The following SLC28A3 variants were observed in gnomAD, a reference collection of about 807,000 sequenced individuals.
SLC28A3 encodes the protein solute carrier family 28 member 3.
SLC28A3 carries 68 observed loss-of-function variants against 84.2 expected under a neutral mutation model. That is an observed-to-expected ratio of 0.81 (90% CI 0.66 to 0.99). SLC28A3 has a LOEUF of 0.99. Among genes scored for constraint, SLC28A3 ranks in the 50% least tolerant of loss-of-function variants. The pLI is 0.00. For synonymous variants in SLC28A3, 267 were observed against 303.6 expected, an observed-to-expected ratio of 0.88 and a Z score of 1.25; for missense variants, 712 against 841.5, an observed-to-expected ratio of 0.85 and a Z score of 1.90.
chr9:84,294,966 G>A (rs185360135), intron 8 of SLC28A3, among the ~76,000 whole-genome samples: 5 of 152,244 alleles, frequency 3.3e-5, no homozygotes, highest in Admixed American at 3.3e-4. Context: ...GTTGCTGGGG[G>A]AGGTTACTAA....
chr9:84,352,918 T>G, the SLC28A3 span, among the ~76,000 whole-genome samples: 1 of 144,322 alleles, frequency 6.9e-6, no homozygotes, highest in African/African-American at 2.7e-5. Context: ...AAAAAAAACC[T>G]TATTAAGATG....
In SLC28A3 at chr9:84,309,711, C is replaced by T. The variant is rs758597815; in HGVS notation, c.160G>A (p.Glu54Lys). The change falls in exon 3 of 18, where the codon GAA (glutamate) becomes AAA (lysine). Residue 54 changes from glutamate to lysine, a missense_variant. Transcript: ENST00000376238. ...SREHTNTKQD[E>K]EQVTVEQDSP... ...TCCTGCTCAACTGTGACCTGTTCTT[C>T]ATCCTGGAAATCAAACATTGGAGCA... 3.6e-5 allele frequency: 58 copies of T among 1,613,492 alleles called. No individual in the cohort carries two copies. In the South Asian group the frequency reaches 6.3e-4, roughly 17 times the overall value.
the SLC28A3 span, among the ~76,000 whole-genome samples, chr9:84,363,674 AC>A: frequency 6.6e-6 from 1 of 152,146 alleles, no homozygotes; most frequent in Non-Finnish European, 1.5e-5. Context: ...GCTGTGCCCC[AC>A]CCCAGACATT....
At chr9:84,306,348 G>C (rs1006196751) in intron 3 of SLC28A3, among the ~76,000 whole-genome samples, 1 of 152,110 alleles carries the variant, frequency 6.6e-6, no homozygotes, top group Non-Finnish European at 1.5e-5. Flanking sequence ...CCACTACCCC[G>C]CCTTCCAACA....
At chr9:84,348,353 C>T in the SLC28A3 span, among the ~76,000 whole-genome samples, 1 of 105,488 alleles carries the variant, frequency 9.5e-6, no homozygotes, top group South Asian at 3.2e-4. Flanking sequence ...GACTCCGTCT[C>T]AAAAAAAAAA....
At chr9:84,320,847 G>A (rs1249005373) in intron 1 of SLC28A3, among the ~76,000 whole-genome samples, 1 of 151,738 alleles carries the variant, frequency 6.6e-6, no homozygotes, top group African/African-American at 2.4e-5. Context: ...AAAATTAGCC[G>A]AGGGTGGTGG....
chr9:84,279,814 C>T (rs1039540708), intron 16 of SLC28A3, among the ~76,000 whole-genome samples, 161 bp downstream of exon 16: 7 of 152,266 alleles, frequency 4.6e-5, no homozygotes, highest in African/African-American at 1.7e-4. Context: ...AGCTCCTCCA[C>T]CACACTGCAC....
chr9:84,367,866 G>A, the SLC28A3 span, among the ~76,000 whole-genome samples: 4 of 152,310 alleles, frequency 2.6e-5, no homozygotes, highest in Admixed American at 6.5e-5. Context: ...TCCAGCCATA[G>A]GGCGGTTTTC....
At chr9:84,324,243 T>C (rs1020517384) in intron 1 of SLC28A3, among the ~76,000 whole-genome samples, 2 of 152,222 alleles carry the variant, frequency 1.3e-5, no homozygotes, top group Non-Finnish European at 2.9e-5. Flanking sequence ...CCTCCCTGGC[T>C]GCACAAATTA....
rs546010282 is a variant in SLC28A3, at chr9:84,319,759, C to T, written c.61-6305G>A. Reference sequence around the variant, plus strand: ...GAGAAAGACACTGCCATAAGAACTTCCTATGCATTTGGGAAGGAGACCAGA... The same window carrying T: ...GAGAAAGACACTGCCATAAGAACTTTCTATGCATTTGGGAAGGAGACCAGA... On this transcript the variant is annotated intron_variant, in intron 1 of 17. Transcript: ENST00000376238. 4.9e-4 allele frequency among the ~76,000 whole-genome samples: 74 copies of T among 152,172 alleles called. No individual in the cohort carries two copies. The Middle Eastern group carries it at 0.01, about 21-fold the overall frequency.
chr9:84,325,821 TC>T (rs1826527540), intron 1 of SLC28A3, among the ~76,000 whole-genome samples: 1 of 152,222 alleles, frequency 6.6e-6, no homozygotes, highest in Non-Finnish European at 1.5e-5. Flanking sequence ...GCCAGGTGAC[TC>T]ACAGCATTTT....
At chr9:84,350,401 A>G in the SLC28A3 span, among the ~76,000 whole-genome samples, 1 of 152,170 alleles carries the variant, frequency 6.6e-6, no homozygotes, top group Admixed American at 6.6e-5. Flanking sequence ...AGATTGCGTC[A>G]TTGCACTCCA....
Position 84,340,629 on chromosome 9 carries a change from T to C in SLC28A3, c.5A>G (p.Glu2Gly), listed in dbSNP as rs1362282093. 2 of 1,614,158 alleles carry C rather than the reference T, an allele frequency of 1.2e-6. No homozygotes were observed. Among genetic ancestry groups the C allele is most frequent in the South Asian group, 2.2e-5 (2 of 91,082 alleles). ...TCTGGGGGCTGCTGTACTCCTCAGCTCCATGCTCTTTTTGCTGCTGGCTGG... is the reference window on the plus strand; with the variant it reads ...TCTGGGGGCTGCTGTACTCCTCAGCCCCATGCTCTTTTTGCTGCTGGCTGG... MELRSTAAPRAE... is the reference protein window; with the variant it reads MGLRSTAAPRAE... The change falls in exon 1 of 18, where the codon GAG becomes GGG. Residue 2 changes from glutamate to glycine, a missense_variant. Coordinates refer to ENST00000376238, the MANE Select transcript of SLC28A3 (RefSeq NM_001199633.2).
chr9:84,364,231 TCTC>T, the SLC28A3 span, among the ~76,000 whole-genome samples: 1 of 151,332 alleles, frequency 6.6e-6, no homozygotes, highest in Non-Finnish European at 1.5e-5. Context: ...TTCAAGCAAT[TCTC>T]CTGCCTCAGC....
At chr9:84,309,577 T>G in intron 3 of SLC28A3, 52 bp downstream of exon 3, 1 of 593,054 alleles carries the variant, frequency 1.7e-6, no homozygotes, top group East Asian at 4.5e-5. Flanking sequence ...AACAAAGTAA[T>G]AAAACCAAAC....
chr9:84,354,238 C>T, the SLC28A3 span, among the ~76,000 whole-genome samples: 1 of 152,214 alleles, frequency 6.6e-6, no homozygotes, highest in Non-Finnish European at 1.5e-5. Context: ...TGTCCTGTTG[C>T]CAGGCCAACC....
At chr9:84,358,804 T>C in the SLC28A3 span, among the ~76,000 whole-genome samples, 2 of 152,032 alleles carry the variant, frequency 1.3e-5, no homozygotes, top group Non-Finnish European at 2.9e-5. Context: ...AGAATTATTT[T>C]TGTTGTTGTT....
At chr9:84,314,278 G>A (rs1402152527) in intron 1 of SLC28A3, among the ~76,000 whole-genome samples, 1 of 152,002 alleles carries the variant, frequency 6.6e-6, no homozygotes, top group East Asian at 1.9e-4. Context: ...GCTCTTATAG[G>A]GCCGTCCGGA....
At chr9:84,329,044 A>G (rs1398891475) in intron 1 of SLC28A3, among the ~76,000 whole-genome samples, 1 of 152,268 alleles carries the variant, frequency 6.6e-6, no homozygotes, top group Non-Finnish European at 1.5e-5. Context: ...GATGGGAAAG[A>G]TATAACATGC....
Sources: gnomAD v4.1 joint callset for allele counts (sites outside exome capture counted in the v4.1 genomes callset) on GRCh38, gnomAD v4.1.1 for gene constraint, MANE v1.5 for transcripts, NCBI Gene and HGNC (gene_info 2026-07-23, HGNC 2026-07-21) for gene names.